MEIS1: variants seen among roughly 807,000 people sequenced by gnomAD.
MEIS1 encodes Meis homeobox 1.
MEIS1 carries 5 observed loss-of-function variants against 50.8 expected under a neutral mutation model. The ratio of observed to expected loss-of-function variants is 0.10; its 90% CI spans 0.05 to 0.21. MEIS1 has a LOEUF of 0.21. Among genes scored for constraint, MEIS1 ranks in the 10% least tolerant of loss-of-function variants. The pLI is 1.00. For missense variants in MEIS1, 318 were observed against 517.3 expected (o/e 0.61, Z 3.74); for synonymous variants, 176 against 179.3 (o/e 0.98, Z 0.15).
intron 9 of MEIS1, among the ~76,000 whole-genome samples, chr2:66,557,429 T>G (rs1675094139): frequency 6.6e-6 from 1 of 152,218 alleles, no homozygotes; most frequent in Non-Finnish European, 1.5e-5. Context: ...TTGCCCCTCT[T>G]TATACTTCCG....
chr2:66,486,950 C>T (rs1673158228), intron 7 of MEIS1, among the ~76,000 whole-genome samples: 1 of 152,118 alleles, frequency 6.6e-6, no homozygotes, highest in East Asian at 1.9e-4. Context: ...ACTTTGTATC[C>T]TGAGACTTTG....
intron 7 of MEIS1, among the ~76,000 whole-genome samples, chr2:66,487,313 C>T (rs972952132): frequency 6.6e-6 from 1 of 152,144 alleles, no homozygotes. Context: ...CTCACCATTC[C>T]GTTTCAACAA....
intron 7 of MEIS1, among the ~76,000 whole-genome samples, chr2:66,490,636 T>C (rs1673248947): frequency 6.6e-6 from 1 of 152,130 alleles, no homozygotes; most frequent in Admixed American, 6.6e-5. Context: ...GCATAGGTTT[T>C]TTCCCCCATT....
intron 9 of MEIS1, among the ~76,000 whole-genome samples, chr2:66,551,745 T>C (rs1032522029): frequency 6.6e-6 from 1 of 151,940 alleles, no homozygotes; most frequent in Non-Finnish European, 1.5e-5. Flanking sequence ...AAAAGTGTAA[T>C]CATTTTCGAA....
intron 12 of MEIS1, chr2:66,570,967 C>A: frequency 2.8e-6 from 1 of 359,622 alleles, no homozygotes; most frequent in Non-Finnish European, 5.0e-6. Flanking sequence ...TTCTTCAGAC[C>A]AGACCTCAAA....
chr2:66,527,645 G>C (rs1016426245), intron 8 of MEIS1, among the ~76,000 whole-genome samples: 3 of 148,664 alleles, frequency 2.0e-5, no homozygotes, highest in Non-Finnish European at 3.0e-5. Flanking sequence ...TGTGTGTTGG[G>C]GGGGAGACAG....
intron 8 of MEIS1, among the ~76,000 whole-genome samples, chr2:66,541,327 G>A (rs145612792): frequency 6.7e-4 from 102 of 152,122 alleles, no homozygotes; most frequent in African/African-American, 2.1e-3. Context: ...GTGAGCCACC[G>A]CACAGGCAGG....
chr2:66,501,287 CTT>C (rs1271241766), intron 7 of MEIS1, among the ~76,000 whole-genome samples: 4 of 152,098 alleles, frequency 2.6e-5, no homozygotes, highest in Non-Finnish European at 4.4e-5. Context: ...AGAAAATACT[CTT>C]TATTTCCTGA....
At chr2:66,517,811 A>G (rs1341909399) in intron 8 of MEIS1, among the ~76,000 whole-genome samples, 1 of 152,192 alleles carries the variant, frequency 6.6e-6, no homozygotes, top group Non-Finnish European at 1.5e-5. Context: ...GGTGGTTTCC[A>G]GATTCTGGGG....
chr2:66,570,636 A>G (rs1675463370), intron 12 of MEIS1: 1 of 152,330 alleles, frequency 6.6e-6, no homozygotes, highest in Admixed American at 6.5e-5. Context: ...GTTTCCATCA[A>G]CTATAGCAAT....
chr2:66,561,781 A>G (rs181638135), intron 9 of MEIS1, among the ~76,000 whole-genome samples: 1 of 152,122 alleles, frequency 6.6e-6, no homozygotes, highest in African/African-American at 2.4e-5. Context: ...AAGTAATTCT[A>G]TGTCCACCAC....
At chr2:66,497,120 A>C (rs1453657656) in intron 7 of MEIS1, among the ~76,000 whole-genome samples, 2 of 152,204 alleles carry the variant, frequency 1.3e-5, no homozygotes, top group African/African-American at 4.8e-5. Flanking sequence ...TACAGCAATA[A>C]GAAAGGACTG....
intron 9 of MEIS1, among the ~76,000 whole-genome samples, chr2:66,557,034 C>T (rs1464831093): frequency 6.6e-6 from 1 of 152,012 alleles, no homozygotes; most frequent in Non-Finnish European, 1.5e-5. Context: ...TTTAGTCATG[C>T]TATTTCTTTT....
intron 6 of MEIS1, among the ~76,000 whole-genome samples, chr2:66,456,020 T>C (rs1672378929): frequency 6.6e-6 from 1 of 152,246 alleles, no homozygotes; most frequent in Admixed American, 6.5e-5. Flanking sequence ...AATTACTCCT[T>C]GGAGAATTTT....
At chr2:66,489,509 T>C (rs535567930) in intron 7 of MEIS1, among the ~76,000 whole-genome samples, 9 of 152,342 alleles carry the variant, frequency 5.9e-5, no homozygotes, top group African/African-American at 1.9e-4. Flanking sequence ...ATTGTTAATA[T>C]AAAACTTCAA....
chr2:66,555,301 C>G (rs924007174), intron 9 of MEIS1, among the ~76,000 whole-genome samples: 2 of 134,120 alleles, frequency 1.5e-5, no homozygotes, highest in African/African-American at 5.3e-5. Flanking sequence ...ACCCCCCAAA[C>G]CCCCCTCCCT....
At chr2:66,511,057 C>T (rs980744739) in intron 7 of MEIS1, among the ~76,000 whole-genome samples, 3 of 151,944 alleles carry the variant, frequency 2.0e-5, no homozygotes, top group East Asian at 1.9e-4. Flanking sequence ...ATAGCTCTTC[C>T]GTTTGGGCCC....
At chr2:66,498,648 C>T (rs879887010) in intron 7 of MEIS1, among the ~76,000 whole-genome samples, 1 of 152,142 alleles carries the variant, frequency 6.6e-6, no homozygotes, top group Non-Finnish European at 1.5e-5. Flanking sequence ...CATTCTTGTC[C>T]AGTGGGCGCA....
chr2:66,435,842 G>A lies in MEIS1; in HGVS notation c.-15G>A. The stretch of plus-strand genomic sequence containing the variant: ...TATATTAGAAGTTGAAGTAGGAAGG[G>A]AGCCAGAGAGGCCGATGGCGCAAAG... On this transcript the variant is annotated 5_prime_UTR_variant, in exon 1 of 13. Coordinates refer to ENST00000272369, the MANE Select transcript of MEIS1 (RefSeq NM_002398.3). The A allele has an allele frequency of 6.4e-7, 1 of 1,571,144 alleles. No individual in the cohort carries two copies. The highest frequency in any genetic ancestry group is 8.6e-7 in the Non-Finnish European group (1 of 1,161,968).
Sources: gnomAD v4.1 joint callset for allele counts (sites outside exome capture counted in the v4.1 genomes callset) on GRCh38, gnomAD v4.1.1 for gene constraint, MANE v1.5 for transcripts, NCBI Gene and HGNC (gene_info 2026-07-23, HGNC 2026-07-21) for gene names.